The following DLG2 variants were observed in gnomAD, a reference collection of about 807,000 sequenced individuals.
DLG2 encodes disks large homolog 2.
A neutral mutation model predicts 132.5 loss-of-function variants in DLG2; 45 were observed. The observed-to-expected ratio is 0.34, with a 90% CI of 0.27 to 0.44. DLG2 has a LOEUF of 0.44. DLG2 is among the 20% of genes least tolerant of loss of function. The pLI, the probability that DLG2 is intolerant of heterozygous loss-of-function variation, is 1.00. For missense variants in DLG2, 1,045 were observed against 1,196.9 expected, an observed-to-expected ratio of 0.87 and a Z score of 1.87; for synonymous variants, 424 against 419.6, an observed-to-expected ratio of 1.01 and a Z score of -0.13.
chr11:85,044,593 T>A (rs1050692728), intron 6 of DLG2, among the ~76,000 whole-genome samples: 1 of 152,046 alleles, frequency 6.6e-6, no homozygotes, highest in African/African-American at 2.4e-5. Context: ...TAACTGTTAA[T>A]GAGTAGTTAC....
intron 6 of DLG2, among the ~76,000 whole-genome samples, chr11:84,743,115 G>C (rs2064900392): frequency 6.6e-6 from 1 of 152,108 alleles, no homozygotes; most frequent in Admixed American, 6.5e-5. Flanking sequence ...ACACAGTACA[G>C]AGAAGTACTA....
rs531286509 is a variant in DLG2 at position 84,685,827 on chromosome 11, T to C, written c.358-151096A>G. Among the ~76,000 whole-genome samples the C allele has an allele frequency of 7.2e-5, 11 of 152,146 alleles. No homozygotes were observed. The East Asian group carries it at 2.1e-3, about 30-fold the overall frequency. On this transcript the variant is annotated intron_variant, in intron 6 of 27. Transcript: ENST00000376104. ...TTCACGTCATTCTCCTGCCTCAGCC[T>C]CCCGAGCAGCTGGGACCACAGACTA...
At chr11:83,911,172 A>G (rs941566898) in intron 15 of DLG2, among the ~76,000 whole-genome samples, 9 of 152,130 alleles carry the variant, frequency 5.9e-5, no homozygotes, top group African/African-American at 2.2e-4. Context: ...AAAGATGGGA[A>G]AGTAGCTCAG....
chr11:83,724,476 TGAGAGAGAGA>T lies in DLG2; in HGVS notation c.1825+62204_1825+62213del, dbSNP rs59782952. Among the ~76,000 whole-genome samples the T allele has an allele frequency of 5.1e-3, 598 of 118,216 alleles. 5 individuals carry two copies. Among genetic ancestry groups the T allele is most frequent in the African/African-American group, 0.014 (461 of 33,896 alleles). The allele number at this position is 118,216 out of a possible 152,430, so 77.6% of individuals were successfully genotyped here. A position where few individuals can be genotyped will look rare whatever the true frequency, so the allele number is the denominator to read the frequency against. On this transcript the variant is annotated intron_variant, in intron 18 of 27. Transcript: ENST00000376104. The stretch of plus-strand genomic sequence containing the variant: ...CTCTCTCCGTGTGTGTGTGTGTGTG[TGAGAGAGAGA>T]GAGAGAGAGAGAGAGAGAGAGAGAG...
intron 15 of DLG2, among the ~76,000 whole-genome samples, chr11:83,878,357 T>TA (rs1318334595): frequency 2.6e-5 from 4 of 152,170 alleles, no homozygotes; most frequent in Admixed American, 6.5e-5. Context: ...TTCTTGCTTT[T>TA]AAATTCTGCA....
intron 10 of DLG2, among the ~76,000 whole-genome samples, chr11:84,095,048 C>T (rs960710202): frequency 1.1e-4 from 16 of 151,162 alleles, no homozygotes; most frequent in African/African-American, 3.7e-4. Context: ...TCTTTAATTC[C>T]ATGTTATGAC....
At chr11:85,259,130 G>A (rs1177772306) in intron 4 of DLG2, among the ~76,000 whole-genome samples, 1 of 152,080 alleles carries the variant, frequency 6.6e-6, no homozygotes, top group South Asian at 2.1e-4. Context: ...AGTGTTGGAG[G>A]TGGGGCCTAG....
chr11:85,177,689 G>T (rs190436428), intron 4 of DLG2, among the ~76,000 whole-genome samples: 1 of 152,020 alleles, frequency 6.6e-6, no homozygotes, highest in African/African-American at 2.4e-5. Flanking sequence ...TTGAAGAAAA[G>T]AAATAGTGTC....
chr11:84,689,427 C>T (rs2057754119), intron 6 of DLG2, among the ~76,000 whole-genome samples: 1 of 151,928 alleles, frequency 6.6e-6, no homozygotes, highest in African/African-American at 2.4e-5. Context: ...AATCATCCCT[C>T]CTCCTCAATA....
chr11:85,525,077 C>T (rs2074643670), intron 3 of DLG2: 1 of 152,134 alleles, frequency 6.6e-6, no homozygotes, highest in African/African-American at 2.4e-5. Context: ...TGTCAAAACT[C>T]ATTTATTAGT....
At chr11:84,675,699 C>T (rs189631898) in intron 6 of DLG2, among the ~76,000 whole-genome samples, 8 of 152,104 alleles carry the variant, frequency 5.3e-5, no homozygotes, top group Admixed American at 3.9e-4. Context: ...TTAGACGGGA[C>T]GGTATTTTAG....
At chr11:83,667,924 C>T (rs1369250687) in intron 18 of DLG2, among the ~76,000 whole-genome samples, 6 of 122,446 alleles carry the variant, frequency 4.9e-5, no homozygotes, top group African/African-American at 6.4e-5. Context: ...TGCAGTGAGC[C>T]GAGACCGTGC....
At chr11:83,947,121 A>C (rs2084199186) in intron 14 of DLG2, among the ~76,000 whole-genome samples, 1 of 152,222 alleles carries the variant, frequency 6.6e-6, no homozygotes, top group Non-Finnish European at 1.5e-5. Flanking sequence ...TTCTGTGCTC[A>C]TATAATGATG....
At chr11:84,301,354 G>C (rs2098149721) in intron 7 of DLG2, among the ~76,000 whole-genome samples, 1 of 152,028 alleles carries the variant, frequency 6.6e-6, no homozygotes. Context: ...AGATAGAATG[G>C]CGATCATTAA....
intron 6 of DLG2, among the ~76,000 whole-genome samples, chr11:85,052,543 G>C (rs548543249): frequency 6.6e-6 from 1 of 152,246 alleles, no homozygotes; most frequent in South Asian, 2.1e-4. Flanking sequence ...GAATTTATAA[G>C]ATATAGCAGT....
At chr11:85,450,944 T>G (rs1301649648) in intron 3 of DLG2, among the ~76,000 whole-genome samples, 2 of 152,076 alleles carry the variant, frequency 1.3e-5, no homozygotes, top group South Asian at 4.1e-4. Flanking sequence ...TCTAATCATC[T>G]CCTCAATCTA....
intron 3 of DLG2, among the ~76,000 whole-genome samples, chr11:85,346,655 G>A (rs1189366005): frequency 6.6e-6 from 1 of 152,174 alleles, no homozygotes; most frequent in Non-Finnish European, 1.5e-5. Flanking sequence ...CTAGAGGCAA[G>A]AAATGTCTAA....
chr11:84,912,312 C>T (rs1032041213), intron 6 of DLG2, among the ~76,000 whole-genome samples: 4 of 152,156 alleles, frequency 2.6e-5, no homozygotes, highest in African/African-American at 9.7e-5. Flanking sequence ...CCCGCCACCA[C>T]GCCCGGCTAC....
chr11:84,195,247 G>C (rs958630231), intron 8 of DLG2, among the ~76,000 whole-genome samples: 3 of 152,100 alleles, frequency 2.0e-5, no homozygotes, highest in Admixed American at 6.5e-5. Flanking sequence ...CACTGCAATT[G>C]CCGCCTCCCA....
Sources: allele counts gnomAD v4.1 joint callset (sites outside exome capture counted in the v4.1 genomes callset), GRCh38; gene constraint gnomAD v4.1.1; transcripts MANE v1.5; gene names NCBI Gene and HGNC (gene_info 2026-07-23, HGNC 2026-07-21).